ADAMTS20: variants seen among roughly 807,000 people sequenced by gnomAD.
ADAMTS20 encodes the protein A disintegrin and metalloproteinase with thrombospondin motifs 20.
ADAMTS20 carries 225 observed loss-of-function variants against 260.1 expected under a neutral mutation model. The observed-to-expected ratio is 0.87, with a 90% CI of 0.78 to 0.97. ADAMTS20 has a LOEUF of 0.97. Among genes scored for constraint, ADAMTS20 ranks in the 50% least tolerant of loss-of-function variants. The pLI is 0.00. For synonymous variants in ADAMTS20, 802 were observed against 769.5 expected, an observed-to-expected ratio of 1.04 and a Z score of -0.70; for missense variants, 2,400 against 2,337.7, an observed-to-expected ratio of 1.03 and a Z score of -0.55.
At chr12:43,548,571 C>T (rs1178629090) in intron 2 of ADAMTS20, among the ~76,000 whole-genome samples, 2 of 152,084 alleles carry the variant, frequency 1.3e-5, no homozygotes, top group East Asian at 1.9e-4. Context: ...GAAATTTAAT[C>T]GTAGAGTCAG....
At chr12:43,526,422 C>A (rs981664481) in intron 3 of ADAMTS20, among the ~76,000 whole-genome samples, 5 of 152,108 alleles carry the variant, frequency 3.3e-5, no homozygotes, top group Non-Finnish European at 7.4e-5. Flanking sequence ...CGTGCCACTG[C>A]ACTCCAGCCT....
intron 3 of ADAMTS20, among the ~76,000 whole-genome samples, chr12:43,512,068 C>A (rs1012986681): frequency 6.6e-6 from 1 of 151,752 alleles, no homozygotes; most frequent in Non-Finnish European, 1.5e-5. Flanking sequence ...AGATATAATA[C>A]TGAGTGCTTA....
At chr12:43,525,020 A>G (rs1943122443) in intron 3 of ADAMTS20, among the ~76,000 whole-genome samples, 1 of 152,220 alleles carries the variant, frequency 6.6e-6, no homozygotes, top group Non-Finnish European at 1.5e-5. Flanking sequence ...AAATACAAGA[A>G]GCTCAAAGCA....
intron 21 of ADAMTS20, 90 bp downstream of exon 21, chr12:43,432,214 T>A: frequency 7.5e-7 from 1 of 1,326,352 alleles, no homozygotes; most frequent in South Asian, 1.5e-5. Context: ...GAAATAAATT[T>A]AAGCACTTTT....
chr12:43,439,635 G>C lies in ADAMTS20; in HGVS notation c.2580C>G (p.Thr860=), dbSNP rs773424987. 3.1e-6 allele frequency: 5 copies of C among 1,605,946 alleles called. No homozygotes were observed. Among genetic ancestry groups the C allele is most frequent in the Admixed American group, 1.7e-5 (1 of 57,756 alleles). Residue 860 remains threonine (T), a synonymous_variant, in exon 18 of 39, where the codon ACC becomes ACG. Coordinates refer to ENST00000389420, the MANE Select transcript of ADAMTS20 (RefSeq NM_025003.5). Reference sequence around the variant, plus strand: ...ATGCCAGCGTACCTTGACACATTTTGGTACAGCCTTCCCATGGTCCATAGG... The same window carrying C: ...ATGCCAGCGTACCTTGACACATTTTCGTACAGCCTTCCCATGGTCCATAGG... ...WDPYGPWEGC[T]KMCQGLQRRN...
At chr12:43,468,555 A>C (rs759058671) in intron 8 of ADAMTS20, 45 bp downstream of exon 8, 1 of 1,183,058 alleles carries the variant, frequency 8.5e-7, no homozygotes, top group Non-Finnish European at 1.2e-6. Context: ...ATTCTGTGCA[A>C]AGATAAATAG....
Position 43,452,525 on chromosome 12 carries a change from C to A in ADAMTS20, c.1931G>T (p.Arg644Ile). 6.2e-7 allele frequency: 1 copy of A among 1,612,192 alleles called. No individual in the cohort carries two copies. The highest frequency in any genetic ancestry group is 1.1e-5 in the South Asian group (1 of 90,912). The change falls in exon 13 of 39, where the codon AGA (arginine) becomes ATA (isoleucine). Residue 644 changes from arginine to isoleucine, a missense_variant. Coordinates refer to ENST00000389420, the MANE Select transcript of ADAMTS20 (RefSeq NM_025003.5). ...GIPSNVRWLP[R>I]YSGIGTKDRC... ...CATAATTTACTTACTGCCACTGTAT[C>A]TTGGAAGCCACCTCACATTAGAGGG...
chr12:43,456,444 A>G (rs1483825125), intron 11 of ADAMTS20, among the ~76,000 whole-genome samples: 1 of 152,086 alleles, frequency 6.6e-6, no homozygotes, highest in Non-Finnish European at 1.5e-5. Flanking sequence ...GGCCATGTAC[A>G]TTCTTTAACT....
At chr12:43,407,235 TTGC>T (rs1940935885) in intron 28 of ADAMTS20, among the ~76,000 whole-genome samples, 1 of 151,934 alleles carries the variant, frequency 6.6e-6, no homozygotes, top group African/African-American at 2.4e-5. Context: ...TCAGATTAAT[TTGC>T]AAATATATTT....
rs1272082052 is a variant in ADAMTS20 at position 43,383,574 on chromosome 12, G to C, written c.4781C>G (p.Thr1594Arg). Residue 1594 changes from threonine (T) to arginine (R), a missense_variant, in exon 31 of 39, where the codon ACA becomes AGA. Coordinates refer to ENST00000389420, the MANE Select transcript of ADAMTS20 (RefSeq NM_025003.5). Reference protein sequence around the residue: ...RNPPCNYIVVTADSSQCANNC... With the variant: ...RNPPCNYIVVRADSSQCANNC... ...TTACCTTACCTGTGATGAGTCTGCT[G>C]TTACCACAATGTAATTGCAAGGAGG... 6.2e-7 allele frequency: 1 copy of C among 1,612,510 alleles called. No homozygotes were observed. The highest frequency in any genetic ancestry group is 1.3e-5 in the African/African-American group (1 of 75,006).
intron 2 of ADAMTS20, among the ~76,000 whole-genome samples, chr12:43,536,238 C>T (rs1002324979): frequency 1.3e-5 from 2 of 152,078 alleles, no homozygotes; most frequent in African/African-American, 4.8e-5. Flanking sequence ...TAGTAAGTGG[C>T]GGTATCAAGA....
chr12:43,464,820 C>T (rs1942125787), intron 9 of ADAMTS20, 88 bp from the exon 10 acceptor site: 1 of 1,371,878 alleles, frequency 7.3e-7, no homozygotes, highest in African/African-American at 1.5e-5. Context: ...TAGTTCTTTA[C>T]TTTCAAAGAG....
At chr12:43,448,858 T>A (rs1441061277) in intron 14 of ADAMTS20, among the ~76,000 whole-genome samples, 1 of 151,716 alleles carries the variant, frequency 6.6e-6, no homozygotes, top group Non-Finnish European at 1.5e-5. Flanking sequence ...AGAGAAGACA[T>A]ACATGCAGCC....
chr12:43,430,456 C>T lies in ADAMTS20; in HGVS notation c.3277G>A (p.Gly1093Arg). The T allele has an allele frequency of 6.2e-7, 1 of 1,612,286 alleles. No individual in the cohort carries two copies. Residue 1093 changes from glycine (G) to arginine (R), a missense_variant, in exon 23 of 39, where the codon GGA (glycine) becomes AGA (arginine). Coordinates refer to ENST00000389420, the MANE Select transcript of ADAMTS20 (RefSeq NM_025003.5). Reference protein sequence around the residue: ...GPWGPCTTTCGHGYQMRDVKC... With the variant: ...GPWGPCTTTCRHGYQMRDVKC... ...ACATCTCGCATCTGATACCCATGTC[C>T]ACATGTGGTTGTGCACTGAAAGAAG...
chr12:43,415,022 T>C (rs139733636), intron 28 of ADAMTS20, among the ~76,000 whole-genome samples: 438 of 152,304 alleles, frequency 2.9e-3, no homozygotes, highest in Non-Finnish European at 5.5e-3. Flanking sequence ...AGAAGTTATA[T>C]GTTTATACAA....
Position 43,551,746 on chromosome 12 carries a change from G to A in ADAMTS20, c.91+85C>T, listed in dbSNP as rs1323142280. On this transcript the variant is annotated intron_variant, in intron 1 of 38. Transcript: ENST00000389420. The surrounding 1 kb of genome is among the most constrained non-coding windows in gnomAD (Gnocchi z 4.6). Reference sequence around the variant, plus strand: ...CAGGGCCAGCGTTCCCCAACGGGCTGAGCCGCTCGTCCCCGCGACCTGCAT... The same window carrying A: ...CAGGGCCAGCGTTCCCCAACGGGCTAAGCCGCTCGTCCCCGCGACCTGCAT... 2.1e-6 allele frequency: 3 copies of A among 1,401,980 alleles called. No individual in the cohort carries two copies. Among genetic ancestry groups the A allele is most frequent in the East Asian group, 4.6e-5 (2 of 43,422 alleles). The allele number at this position is 1,401,980 out of a possible 1,614,324, so 86.8% of individuals were successfully genotyped here.
At chr12:43,534,392 G>C (rs1462123318) in intron 2 of ADAMTS20, among the ~76,000 whole-genome samples, 1 of 152,156 alleles carries the variant, frequency 6.6e-6, no homozygotes, top group African/African-American at 2.4e-5. Context: ...AGTACAATCA[G>C]TATGCAAAGC....
chr12:43,494,618 C>T (rs533670801), intron 4 of ADAMTS20, among the ~76,000 whole-genome samples: 1 of 152,202 alleles, frequency 6.6e-6, no homozygotes, highest in East Asian at 1.9e-4. Context: ...GTGGAGGTAG[C>T]CCCAGTGGGG....
At position 43,376,555 on chromosome 12, in the gene ADAMTS20, T is replaced by C; in HGVS notation, c.5094A>G (p.Pro1698=). The C allele has an allele frequency of 6.2e-7, 1 of 1,613,350 alleles. No individual in the cohort carries two copies. The highest frequency in any genetic ancestry group is 8.5e-7 in the Non-Finnish European group (1 of 1,179,730). ...SSDLCLNHLK[P]GAQKKCYAND... is the part of the protein sequence containing the mutation. Reference sequence around the variant, plus strand: ...TGGCATAACATTTCTTTTGAGCACCTGGTTTTAAATGGTTTAAACATAAGT... The same window carrying C: ...TGGCATAACATTTCTTTTGAGCACCCGGTTTTAAATGGTTTAAACATAAGT... Residue 1698 remains proline (P), a synonymous_variant, in exon 33 of 39, where the codon CCA becomes CCG. Coordinates refer to ENST00000389420, the MANE Select transcript of ADAMTS20 (RefSeq NM_025003.5).
Sources: allele counts gnomAD v4.1 joint callset (sites outside exome capture counted in the v4.1 genomes callset), GRCh38; gene constraint gnomAD v4.1.1; non-coding constraint Gnocchi (gnomAD v3.1); transcripts MANE v1.5; gene names NCBI Gene and HGNC (gene_info 2026-07-23, HGNC 2026-07-21).